Variants in NSMCE2 observed in about 807,000 individuals in gnomAD.
NSMCE2 encodes E3 SUMO-protein ligase NSE2.
NSMCE2 carries 24 observed loss-of-function variants against 23.8 expected under a neutral mutation model. The ratio of observed to expected loss-of-function variants is 1.01; its 90% confidence interval spans 0.73 to 1.42. NSMCE2 has a LOEUF of 1.42. Among genes scored for constraint, NSMCE2 ranks in the 40% most tolerant of loss-of-function variants. The pLI is 0.00. For missense variants in NSMCE2, 284 were observed against 296.5 expected (o/e 0.96, Z 0.31); for synonymous variants, 92 against 94.1 (o/e 0.98, Z 0.13).
rs973677650 is a variant in NSMCE2 at position 125,284,795 on chromosome 8, A to G, written c.419-72424A>G. ...TTTTGTTTTGTGAAAAAATAATACA[A>G]CCAAATGAAAATAGATTAATCAAAA... On this transcript the variant is annotated intron_variant, in intron 5 of 7. Coordinates refer to ENST00000287437, the MANE Select transcript of NSMCE2 (RefSeq NM_173685.4). Among the ~76,000 whole-genome samples, 2 of 152,220 alleles carry G rather than the reference A, an allele frequency of 1.3e-5. 1 individual carries two copies. The highest frequency in any genetic ancestry group is 4.8e-5 in the African/African-American group (2 of 41,454).
intron 3 of NSMCE2, among the ~76,000 whole-genome samples, chr8:125,124,791 G>A (rs546972229): frequency 1.3e-5 from 2 of 151,798 alleles, no homozygotes; most frequent in African/African-American, 4.8e-5. Flanking sequence ...TCAGGATTTT[G>A]TTGTTGTTGT....
At chr8:125,258,220 G>A (rs978232826) in intron 5 of NSMCE2, among the ~76,000 whole-genome samples, 5 of 152,214 alleles carry the variant, frequency 3.3e-5, no homozygotes, top group Non-Finnish European at 5.9e-5. Flanking sequence ...CAGGAGATAA[G>A]TTTGTTCACT....
chr8:125,207,430 A>C (rs891385885), intron 5 of NSMCE2, among the ~76,000 whole-genome samples: 1 of 152,198 alleles, frequency 6.6e-6, no homozygotes, highest in Non-Finnish European at 1.5e-5. Flanking sequence ...TTTATTTAGA[A>C]ATTTTACTTT....
At chr8:125,247,148 G>A (rs1003401585) in intron 5 of NSMCE2, among the ~76,000 whole-genome samples, 3 of 151,476 alleles carry the variant, frequency 2.0e-5, no homozygotes. Context: ...GGGCAACATG[G>A]TGAAACCCTG....
At chr8:125,095,245 A>G (rs547540107) in intron 1 of NSMCE2, among the ~76,000 whole-genome samples, 4 of 152,306 alleles carry the variant, frequency 2.6e-5, no homozygotes, top group African/African-American at 7.2e-5. Flanking sequence ...CTATTGGACA[A>G]TGCTGCTCTG....
intron 5 of NSMCE2, among the ~76,000 whole-genome samples, chr8:125,277,620 C>T (rs7820297): frequency 0.53 from 79,849 of 151,570 alleles, 22,988 homozygotes; most frequent in Non-Finnish European, 0.64. Flanking sequence ...CATTCTCCTG[C>T]CTCAGCCTCC....
chr8:125,180,976 A>T (rs1201107111), intron 4 of NSMCE2, among the ~76,000 whole-genome samples: 1 of 152,286 alleles, frequency 6.6e-6, no homozygotes, highest in East Asian at 1.9e-4. Flanking sequence ...AAGCAATTGA[A>T]TATTCCTGGA....
chr8:125,169,781 T>G (rs1822083560), intron 4 of NSMCE2, among the ~76,000 whole-genome samples: 1 of 152,196 alleles, frequency 6.6e-6, no homozygotes, highest in East Asian at 1.9e-4. Flanking sequence ...AGTTTTTCCT[T>G]GTTACTTTCA....
At chr8:125,230,268 C>T (rs1825267486) in intron 5 of NSMCE2, among the ~76,000 whole-genome samples, 1 of 151,752 alleles carries the variant, frequency 6.6e-6, no homozygotes, top group Admixed American at 6.6e-5. Context: ...TTCTTATTTC[C>T]TCCTGGCCAA....
chr8:125,150,426 CTTTTTTTTT>C (rs71295819), intron 3 of NSMCE2, among the ~76,000 whole-genome samples: 4 of 61,864 alleles, frequency 6.5e-5, no homozygotes, highest in South Asian at 1.3e-3. Context: ...TTCTTTCTTT[CTTTTTTTTT>C]TTTTTTTTTT....
At chr8:125,282,302 C>T (rs1323407392) in intron 5 of NSMCE2, among the ~76,000 whole-genome samples, 5 of 151,854 alleles carry the variant, frequency 3.3e-5, no homozygotes, top group South Asian at 2.1e-4. Flanking sequence ...TTAGTAGAGC[C>T]GGGGTTTCAC....
intron 5 of NSMCE2, among the ~76,000 whole-genome samples, chr8:125,286,420 C>G (rs1827903293): frequency 6.6e-6 from 1 of 151,508 alleles, no homozygotes; most frequent in Non-Finnish European, 1.5e-5. Context: ...TCAAGTGATG[C>G]TCCTGCCTCA....
chr8:125,109,723 C>T (rs549932162), intron 3 of NSMCE2, among the ~76,000 whole-genome samples: 18 of 152,010 alleles, frequency 1.2e-4, no homozygotes, highest in Admixed American at 3.9e-4. Flanking sequence ...ATTCCTATAC[C>T]AGGTGTTTGT....
intron 3 of NSMCE2, among the ~76,000 whole-genome samples, chr8:125,139,328 T>A (rs1246168698): frequency 1.3e-5 from 2 of 152,234 alleles, no homozygotes; most frequent in African/African-American, 4.8e-5. Flanking sequence ...GAATGGAAGT[T>A]CCTCCACTAA....
rs553942139 is a variant in NSMCE2, at chr8:125,151,154, AT to A, written c.158-8del. 1.3e-4 allele frequency: 183 copies of A among 1,386,296 alleles called. No individual in the cohort carries two copies. The highest frequency in any genetic ancestry group is 3.3e-4 in the South Asian group (27 of 81,600). 85.9% of individuals were successfully genotyped at this position (1,386,296 alleles called of 1,614,324 possible). ...TTTTAAATGGAAAATAATAATTGCA[AT>A]TTTTTTTTCTTTCAGCTGAAGTGAG... On this transcript the variant is annotated splice_polypyrimidine_tract_variant and intron_variant, in intron 3 of 7. Coordinates refer to ENST00000287437, the MANE Select transcript of NSMCE2 (RefSeq NM_173685.4).
intron 5 of NSMCE2, among the ~76,000 whole-genome samples, chr8:125,186,122 G>GA (rs1189973913): frequency 6.6e-6 from 1 of 151,990 alleles, no homozygotes; most frequent in Non-Finnish European, 1.5e-5. Context: ...AACTGTTGGA[G>GA]AAAAAAATCA....
chr8:125,224,687 G>A (rs995946298), intron 5 of NSMCE2, among the ~76,000 whole-genome samples: 12 of 152,038 alleles, frequency 7.9e-5, no homozygotes, highest in African/African-American at 1.9e-4. Flanking sequence ...AACTAATATC[G>A]ACTGTTGACC....
intron 3 of NSMCE2, among the ~76,000 whole-genome samples, chr8:125,143,886 C>T (rs1820516247): frequency 6.6e-6 from 1 of 152,066 alleles, no homozygotes; most frequent in Non-Finnish European, 1.5e-5. Flanking sequence ...TTTGTAGACC[C>T]ATAAGGTATG....
chr8:125,271,626 G>A (rs183147514), intron 5 of NSMCE2, among the ~76,000 whole-genome samples: 7 of 152,220 alleles, frequency 4.6e-5, no homozygotes, highest in Admixed American at 4.6e-4. Context: ...ATGGCTTTTG[G>A]CCCCTTAAAA....
Sources: allele counts gnomAD v4.1 joint callset (sites outside exome capture counted in the v4.1 genomes callset), GRCh38; gene constraint gnomAD v4.1.1; transcripts MANE v1.5; gene names NCBI Gene and HGNC (gene_info 2026-07-23, HGNC 2026-07-21).